RELN: variants seen among roughly 807,000 people sequenced by gnomAD.
The protein encoded by RELN is reelin.
RELN carries 108 observed loss-of-function variants against 427.6 expected under a neutral mutation model. The ratio of observed to expected loss-of-function variants is 0.25; its 90% CI spans 0.22 to 0.30. The LOEUF (loss-of-function observed/expected upper bound fraction) is 0.30, where lower values mean the gene tolerates loss of function less well. RELN is among the 10% of genes least tolerant of loss of function. The pLI is 1.00. For missense variants in RELN, 3,715 were observed against 4,302.8 expected, an observed-to-expected ratio of 0.86 and a Z score of 3.82; for synonymous variants, 1,524 against 1,513.4, an observed-to-expected ratio of 1.01 and a Z score of -0.16.
At position 103,954,277 on chromosome 7, in the gene RELN, A is replaced by C. The variant is rs552338308; in HGVS notation, c.226+34854T>G. Among the ~76,000 whole-genome samples, 12 of 152,196 alleles carry C rather than the reference A, an allele frequency of 7.9e-5. No individual in the cohort carries two copies. The South Asian group carries it at 1.5e-3, about 18-fold the overall frequency. ...TCTGTCTCAAAACAAACAAACAAACAAACTTACCAGCCTCGTGTAATTCAT... is the reference window on the plus strand; with the variant it reads ...TCTGTCTCAAAACAAACAAACAAACCAACTTACCAGCCTCGTGTAATTCAT... On this transcript the variant is annotated intron_variant, in intron 1 of 64. Transcript: ENST00000428762.
At chr7:103,669,341 T>A (rs1207929847) in intron 11 of RELN, among the ~76,000 whole-genome samples, 2 of 152,224 alleles carry the variant, frequency 1.3e-5, no homozygotes. Context: ...AATAACTTAC[T>A]TTGCATTTAT....
chr7:103,618,282 A>T (rs769804071), intron 20 of RELN, among the ~76,000 whole-genome samples: 18 of 152,190 alleles, frequency 1.2e-4, no homozygotes, highest in Non-Finnish European at 1.8e-4. Context: ...GATGGTCCCC[A>T]TTCTATGGTA....
chr7:103,931,140 C>T (rs1795855777), intron 1 of RELN, among the ~76,000 whole-genome samples: 1 of 151,996 alleles, frequency 6.6e-6, no homozygotes, highest in Non-Finnish European at 1.5e-5. Flanking sequence ...ACCAAGAATC[C>T]CCCAGAATCC....
chr7:103,535,895 T>C (rs1056986409), intron 45 of RELN, among the ~76,000 whole-genome samples: 1 of 151,880 alleles, frequency 6.6e-6, no homozygotes, highest in Non-Finnish European at 1.5e-5. Flanking sequence ...ACAAACATCA[T>C]TTAAATGGTA....
Position 103,799,385 on chromosome 7 carries a change from C to A in RELN, c.474-22758G>T, listed in dbSNP as rs111483802. Among the ~76,000 whole-genome samples, 1,036 of 152,244 alleles carry A rather than the reference C, an allele frequency of 6.8e-3. 11 individuals carry two copies. The highest frequency in any genetic ancestry group is 0.024 in the African/African-American group (994 of 41,528). ...AAAGTGATACTGCTCAAAAATGGTG[C>A]CCCTGTGGGAAGAGAGCAGTGCTTC... On this transcript the variant is annotated intron_variant, in intron 3 of 64. Coordinates refer to ENST00000428762, the MANE Select transcript of RELN (RefSeq NM_005045.4).
intron 1 of RELN, among the ~76,000 whole-genome samples, chr7:103,951,008 C>A (rs1796319871): frequency 6.6e-6 from 1 of 152,200 alleles, no homozygotes; most frequent in Non-Finnish European, 1.5e-5. Flanking sequence ...CGGCTCACTG[C>A]AACCTCCGCC....
At chr7:103,599,870 G>C (rs1197049401) in intron 24 of RELN, among the ~76,000 whole-genome samples, 1 of 152,056 alleles carries the variant, frequency 6.6e-6, no homozygotes, top group Admixed American at 6.6e-5. Flanking sequence ...GATCGGATAG[G>C]GAAAGAATGA....
At chr7:103,487,557 A>G (rs188909978) in intron 60 of RELN, among the ~76,000 whole-genome samples, 1 of 151,730 alleles carries the variant, frequency 6.6e-6, no homozygotes, top group East Asian at 1.9e-4. Flanking sequence ...AAAAAAATCC[A>G]ATTTTCTTTG....
At chr7:103,790,992 AAGAC>A (rs543468408) in intron 3 of RELN, among the ~76,000 whole-genome samples, 3 of 152,130 alleles carry the variant, frequency 2.0e-5, no homozygotes, top group Non-Finnish European at 4.4e-5. Flanking sequence ...AAACCAAAAA[AAGAC>A]AGAAAGAAAA....
chr7:103,489,282 T>A (rs182086847), intron 60 of RELN, among the ~76,000 whole-genome samples: 228 of 151,334 alleles, frequency 1.5e-3, no homozygotes, highest in African/African-American at 5.4e-3. Flanking sequence ...AGCTACATCT[T>A]AGGAGAACAG....
chr7:103,825,714 T>C (rs918245023), intron 3 of RELN, among the ~76,000 whole-genome samples: 4 of 152,272 alleles, frequency 2.6e-5, no homozygotes, highest in African/African-American at 9.6e-5. Context: ...TTCAATAAAA[T>C]AGTCATTAGC....
intron 64 of RELN, chr7:103,476,839 T>C: frequency 4.4e-6 from 1 of 227,882 alleles, no homozygotes; most frequent in East Asian, 1.1e-4. Flanking sequence ...TACATTTTGA[T>C]GTACAGCTAT....
At chr7:103,755,339 T>G (rs1350003887) in intron 4 of RELN, among the ~76,000 whole-genome samples, 1 of 152,096 alleles carries the variant, frequency 6.6e-6, no homozygotes, top group Non-Finnish European at 1.5e-5. Flanking sequence ...CCAGGCGCAG[T>G]GGCTCACGCC....
At chr7:103,639,405 T>C (rs1832651252) in intron 17 of RELN, among the ~76,000 whole-genome samples, 1 of 149,342 alleles carries the variant, frequency 6.7e-6, no homozygotes, top group Non-Finnish European at 1.5e-5. Context: ...TTTCTCTCTT[T>C]TTTTTTTTTT....
chr7:103,972,892 T>TTG (rs1266906272), intron 1 of RELN, among the ~76,000 whole-genome samples: 3 of 73,794 alleles, frequency 4.1e-5, no homozygotes, highest in Admixed American at 3.9e-4. Context: ...GGGCATATGA[T>TTG]TATGTGTGTG....
At chr7:103,676,932 T>C (rs1833541228) in intron 11 of RELN, among the ~76,000 whole-genome samples, 1 of 151,950 alleles carries the variant, frequency 6.6e-6, no homozygotes, top group Admixed American at 6.6e-5. Flanking sequence ...GAGATATATC[T>C]AATATAAATG....
At chr7:103,611,558 T>G in intron 21 of RELN, 53 bp downstream of exon 21, 1 of 1,371,810 alleles carries the variant, frequency 7.3e-7, no homozygotes, top group Non-Finnish European at 1.0e-6. Flanking sequence ...TTTGGCTTCC[T>G]AGGTAAAAGG....
Position 103,626,001 on chromosome 7 carries a change from C to T in RELN, c.2702+3939G>A, listed in dbSNP as rs1327471986. ...GTTGGAGTAAGGGTTAGGGATGGCACTAGCTCATGAATGGGATGAAAGACA... is the reference window on the plus strand; with the variant it reads ...GTTGGAGTAAGGGTTAGGGATGGCATTAGCTCATGAATGGGATGAAAGACA... On this transcript the variant is annotated intron_variant, in intron 20 of 64. Coordinates refer to ENST00000428762, the MANE Select transcript of RELN (RefSeq NM_005045.4). The surrounding 1 kb of genome is among the most constrained non-coding windows in gnomAD (Gnocchi z 4.4). 1.3e-5 allele frequency among the ~76,000 whole-genome samples: 2 copies of T among 151,850 alleles called. No homozygotes were observed. Among genetic ancestry groups the T allele is most frequent in the Admixed American group, 6.6e-5 (1 of 15,218 alleles).
intron 1 of RELN, among the ~76,000 whole-genome samples, chr7:103,938,976 C>A (rs1796049605): frequency 1.4e-5 from 2 of 147,998 alleles, no homozygotes; most frequent in Admixed American, 6.8e-5. Context: ...GAATTTAATT[C>A]TTGTTGCCCA....
Sources: gnomAD v4.1 joint callset for allele counts (sites outside exome capture counted in the v4.1 genomes callset) on GRCh38, gnomAD v4.1.1 for gene constraint, Gnocchi (gnomAD v3.1) non-coding constraint, MANE v1.5 for transcripts, NCBI Gene and HGNC (gene_info 2026-07-23, HGNC 2026-07-21) for gene names.